SLC15A2: variants seen among roughly 807,000 people sequenced by gnomAD.
The protein encoded by SLC15A2 is kidney H(+)/peptide cotransporter.
SLC15A2 carries 77 observed loss-of-function variants against 95.5 expected under a neutral mutation model. The observed-to-expected ratio is 0.81, with a 90% CI of 0.67 to 0.97. The LOEUF (loss-of-function observed/expected upper bound fraction) is 0.97, where lower values mean the gene tolerates loss of function less well. Among genes scored for constraint, SLC15A2 ranks in the 50% least tolerant of loss-of-function variants. The probability of loss-of-function intolerance (pLI) is 0.00; values close to 1 mark genes in which losing one functional copy is unlikely to be tolerated. For synonymous variants in SLC15A2, 306 were observed against 306.9 expected (o/e 1.00, Z 0.03); for missense variants, 893 against 874.4 (o/e 1.02, Z -0.27).
chr3:121,933,632 G>A (rs1177074789), intron 19 of SLC15A2, among the ~76,000 whole-genome samples: 2 of 150,346 alleles, frequency 1.3e-5, no homozygotes, highest in African/African-American at 4.9e-5. Flanking sequence ...TTGTAAATTT[G>A]TTTGAGTTCA....
At chr3:121,922,895 G>C in intron 9 of SLC15A2, 34 bp downstream of exon 9, 1 of 1,582,894 alleles carries the variant, frequency 6.3e-7, no homozygotes, top group East Asian at 2.2e-5. Context: ...CTTATGGCTT[G>C]ATAGAGTCTT....
intron 7 of SLC15A2, among the ~76,000 whole-genome samples, chr3:121,918,956 C>T (rs2689282): frequency 0.45 from 67,859 of 152,048 alleles, 15,678 homozygotes; most frequent in East Asian, 0.69. Context: ...TTGCTCTGGC[C>T]CACTGGGCTC....
chr3:121,926,484 G>A (rs1388298917), intron 13 of SLC15A2, among the ~76,000 whole-genome samples: 1 of 152,200 alleles, frequency 6.6e-6, no homozygotes. Context: ...GCTTCTACAT[G>A]GTGTTAAGCC....
intron 2 of SLC15A2, among the ~76,000 whole-genome samples, 165 bp from the exon 3 acceptor site, chr3:121,897,223 T>C (rs1485093202): frequency 6.6e-6 from 1 of 152,028 alleles, no homozygotes; most frequent in Non-Finnish European, 1.5e-5. Context: ...CATGGGGCCC[T>C]GCTTCTACTG....
Position 121,942,589 on chromosome 3 carries a change from G to C in SLC15A2, c.*1582G>C, listed in dbSNP as rs1357544839. On this transcript the variant is annotated 3_prime_UTR_variant, in exon 22 of 22. Coordinates refer to ENST00000489711, the MANE Select transcript of SLC15A2 (RefSeq NM_021082.4). ...TTCAGAAATATAAGAGCGGCAGCCA[G>C]ACCAACCAGTTTTTCCAGATATCTT... 1 of 152,160 alleles carries C rather than the reference G, an allele frequency of 6.6e-6. No homozygotes were observed. Among genetic ancestry groups the C allele is most frequent in the Non-Finnish European group, 1.5e-5 (1 of 68,026 alleles). 9.4% of individuals were successfully genotyped at this position (152,160 alleles called of 1,614,324 possible). A position where few individuals can be genotyped will look rare whatever the true frequency, so the allele number is the denominator to read the frequency against.
intron 1 of SLC15A2, chr3:121,895,384 A>G (rs1425185209): frequency 6.6e-6 from 1 of 152,232 alleles, no homozygotes; most frequent in Non-Finnish European, 1.5e-5. Flanking sequence ...TAAGAAGCCC[A>G]GTTCATTGTA....
At chr3:121,912,827 C>T (rs758664533) in intron 4 of SLC15A2, among the ~76,000 whole-genome samples, 194 bp from the exon 5 acceptor site, 10 of 151,898 alleles carry the variant, frequency 6.6e-5, no homozygotes, top group African/African-American at 2.2e-4. Flanking sequence ...TTGCAGAGGC[C>T]GAAGGATCAT....
intron 3 of SLC15A2, among the ~76,000 whole-genome samples, chr3:121,899,085 C>T (rs1185811643): frequency 1.3e-5 from 2 of 152,124 alleles, no homozygotes; most frequent in South Asian, 4.1e-4. Flanking sequence ...AATAAAGATT[C>T]ATATACATGA....
rs762282820 is a variant in SLC15A2, at chr3:121,894,552, C to T, written c.76C>T (p.Pro26Ser). ...PVSIEEVPPRPPSPPKKPSPT... is the reference protein window; with the variant it reads ...PVSIEEVPPRSPSPPKKPSPT... Reference sequence around the variant, plus strand: ...CTCCATTGAAGAGGTACCACCTCGACCACCTAGCCCTCCAAAGAAGCCATC... The same window carrying T: ...CTCCATTGAAGAGGTACCACCTCGATCACCTAGCCCTCCAAAGAAGCCATC... Residue 26 changes from proline to serine, a missense_variant, in exon 1 of 22, where the codon CCA (proline) becomes TCA (serine). Transcript: ENST00000489711. 5.0e-6 allele frequency: 8 copies of T among 1,614,076 alleles called. No individual in the cohort carries two copies. The South Asian group carries it at 6.6e-5, about 13-fold the overall frequency.
At chr3:121,924,431 A>G (rs1311069344) in intron 12 of SLC15A2, 48 bp downstream of exon 12, 10 of 1,498,988 alleles carry the variant, frequency 6.7e-6, no homozygotes, top group East Asian at 4.5e-5. Flanking sequence ...TTCCTTATCT[A>G]TGCCTCCACC....
chr3:121,925,118 T>C, intron 13 of SLC15A2, 85 bp downstream of exon 13: 1 of 954,102 alleles, frequency 1.0e-6, no homozygotes, highest in Non-Finnish European at 1.7e-6. Flanking sequence ...TCAGTATTTT[T>C]CTTAGTGAGG....
intron 3 of SLC15A2, 29 bp downstream of exon 3, chr3:121,897,558 C>T (rs1295280890): frequency 1.9e-6 from 3 of 1,611,882 alleles, no homozygotes; most frequent in Non-Finnish European, 2.5e-6. Context: ...CACATCCCTA[C>T]AAGTTTCACA....
chr3:121,897,553 C>T, intron 3 of SLC15A2, 24 bp downstream of exon 3: 1 of 1,612,608 alleles, frequency 6.2e-7, no homozygotes, highest in Non-Finnish European at 8.5e-7. Context: ...GAGGTCACAT[C>T]CCTACAAGTT....
intron 3 of SLC15A2, among the ~76,000 whole-genome samples, chr3:121,908,670 T>C (rs2107579916): frequency 6.6e-6 from 1 of 152,322 alleles, no homozygotes; most frequent in South Asian, 2.1e-4. Flanking sequence ...CACTACACAC[T>C]CTCAGCCTCT....
intron 3 of SLC15A2, among the ~76,000 whole-genome samples, chr3:121,904,901 T>C (rs1396471940): frequency 1.3e-5 from 2 of 152,228 alleles, no homozygotes; most frequent in African/African-American, 2.4e-5. Context: ...TTTCTATTGA[T>C]TGGAATAGTT....
intron 17 of SLC15A2, 103 bp downstream of exon 17, chr3:121,929,451 C>A: frequency 8.0e-7 from 1 of 1,253,068 alleles, no homozygotes; most frequent in Non-Finnish European, 1.1e-6. Flanking sequence ...GGAATTCCCT[C>A]TCGTAGAATG....
chr3:121,927,619 TAAATTACCCAGTCTCAGGTATTTCTTTAC>T, intron 13 of SLC15A2, 110 bp from the exon 14 acceptor site: 1 of 607,580 alleles, frequency 1.6e-6, no homozygotes, highest in Admixed American at 2.9e-5. Context: ...CTTTTCTTTA[TAAATTACCCAGTCTCAGGTATTTCTTTAC>T]AGCAATGCAA....
chr3:121,922,908 C>G, intron 9 of SLC15A2, 47 bp downstream of exon 9: 1 of 1,569,304 alleles, frequency 6.4e-7, no homozygotes, highest in Non-Finnish European at 8.8e-7. Context: ...AGAGTCTTTC[C>G]TAATGTTCAA....
intron 7 of SLC15A2, among the ~76,000 whole-genome samples, 183 bp downstream of exon 7, chr3:121,915,876 G>GA (rs1709885090): frequency 6.6e-6 from 1 of 152,082 alleles, no homozygotes; most frequent in Non-Finnish European, 1.5e-5. Flanking sequence ...GAAACTTTAA[G>GA]AAAAAAGTGC....
Sources: gnomAD v4.1 joint callset for allele counts (sites outside exome capture counted in the v4.1 genomes callset) on GRCh38, gnomAD v4.1.1 for gene constraint, MANE v1.5 for transcripts, NCBI Gene and HGNC (gene_info 2026-07-23, HGNC 2026-07-21) for gene names.